The following RANBP2 variants were observed in gnomAD, a reference collection of about 807,000 sequenced individuals.
RANBP2 encodes the protein E3 SUMO-protein ligase RanBP2.
RANBP2 carries 57 observed loss-of-function variants against 303.6 expected under a neutral mutation model. The observed-to-expected ratio is 0.19, with a 90% CI of 0.15 to 0.23. The LOEUF (loss-of-function observed/expected upper bound fraction) is 0.23, where lower values mean the gene tolerates loss of function less well. Among genes scored for constraint, RANBP2 ranks in the 10% least tolerant of loss-of-function variants. The pLI, the probability that RANBP2 is intolerant of heterozygous loss-of-function variation, is 1.00. For missense variants in RANBP2, 3,138 were observed against 3,780.8 expected (o/e 0.83, Z 4.46); for synonymous variants, 1,167 against 1,301.5 (o/e 0.90, Z 2.23).
the RANBP2 span, among the ~76,000 whole-genome samples, chr2:109,688,759 A>T: frequency 7.8e-6 from 1 of 128,864 alleles, no homozygotes; most frequent in South Asian, 3.1e-4. Flanking sequence ...AGCCTGGGTG[A>T]CGGAGCGAGA....
At chr2:109,661,667 T>C in the RANBP2 span, among the ~76,000 whole-genome samples, 1 of 152,176 alleles carries the variant, frequency 6.6e-6, no homozygotes, top group Non-Finnish European at 1.5e-5. Context: ...TAGATAAGGG[T>C]GAGCCTAGAA....
chr2:109,129,888 A>C, the RANBP2 span: 2 of 1,517,044 alleles, frequency 1.3e-6, no homozygotes, highest in Non-Finnish European at 1.8e-6. Context: ...TGCTGGTGCG[A>C]CTGCTGGACG....
chr2:109,599,637 T>A, the RANBP2 span, among the ~76,000 whole-genome samples: 3 of 151,980 alleles, frequency 2.0e-5, no homozygotes, highest in African/African-American at 7.3e-5. Flanking sequence ...ACCATCAAAC[T>A]CCAACAAATA....
the RANBP2 span, chr2:109,347,939 C>A: frequency 1.2e-6 from 2 of 1,603,630 alleles, no homozygotes; most frequent in Non-Finnish European, 1.7e-6. Context: ...GACTGTCTGA[C>A]CTTCACCAAG....
chr2:108,977,549 C>T, the RANBP2 span, among the ~76,000 whole-genome samples: 120 of 152,248 alleles, frequency 7.9e-4, no homozygotes, highest in African/African-American at 2.8e-3. Context: ...GGATTACAGG[C>T]GTGAGCCACC....
the RANBP2 span, among the ~76,000 whole-genome samples, chr2:109,179,257 A>T: frequency 2.4e-4 from 37 of 152,236 alleles, no homozygotes; most frequent in Admixed American, 3.9e-4. Context: ...TTATCCTCTG[A>T]TTCTGGAGGT....
the RANBP2 span, among the ~76,000 whole-genome samples, chr2:108,962,392 G>A: frequency 2.0e-5 from 3 of 152,106 alleles, no homozygotes; most frequent in African/African-American, 4.8e-5. Context: ...GAACACAATC[G>A]GCCAGACGCG....
At chr2:108,740,104 A>G (rs963321226) in intron 6 of RANBP2, among the ~76,000 whole-genome samples, 4 of 152,376 alleles carry the variant, frequency 2.6e-5, no homozygotes, top group South Asian at 4.1e-4. Flanking sequence ...TGGAAATGGT[A>G]TGTCTAATTT....
At chr2:108,752,128 G>A in intron 12 of RANBP2, 134 bp downstream of exon 12, 1 of 1,524,410 alleles carries the variant, frequency 6.6e-7, no homozygotes, top group Non-Finnish European at 8.8e-7. Flanking sequence ...TTTTATTGCT[G>A]CAAAATAGTT....
chr2:109,293,354 G>T, the RANBP2 span, among the ~76,000 whole-genome samples: 1 of 152,212 alleles, frequency 6.6e-6, no homozygotes, highest in Non-Finnish European at 1.5e-5. Flanking sequence ...GTGTCATCAG[G>T]GGCCAGAAAA....
the RANBP2 span, among the ~76,000 whole-genome samples, chr2:109,675,202 G>A: frequency 6.6e-6 from 1 of 152,102 alleles, no homozygotes; most frequent in Non-Finnish European, 1.5e-5. Context: ...AAGGGCCCTG[G>A]GTGCTGTGTC....
the RANBP2 span, among the ~76,000 whole-genome samples, chr2:109,601,547 C>CAT: frequency 2.0e-5 from 3 of 152,270 alleles, no homozygotes; most frequent in South Asian, 2.1e-4. Flanking sequence ...ATCACCAATT[C>CAT]ATGTTTTCCC....
chr2:109,702,281 C>T, the RANBP2 span, among the ~76,000 whole-genome samples: 1,890 of 152,276 alleles, frequency 0.012, 46 homozygotes, highest in African/African-American at 0.043. Flanking sequence ...GTTAAAAAAC[C>T]CCAGTGGTAG....
At chr2:109,558,455 G>A in the RANBP2 span, among the ~76,000 whole-genome samples, 1 of 152,128 alleles carries the variant, frequency 6.6e-6, no homozygotes, top group Non-Finnish European at 1.5e-5. Flanking sequence ...AAAAGTTAAA[G>A]GTGATTAACT....
At chr2:108,749,366 C>T (rs1481618901) in intron 9 of RANBP2, among the ~76,000 whole-genome samples, 9 of 152,182 alleles carry the variant, frequency 5.9e-5, no homozygotes, top group Admixed American at 3.3e-4. Context: ...GGTGCGATCT[C>T]GGCTCACTGT....
At chr2:108,941,519 C>G in the RANBP2 span, among the ~76,000 whole-genome samples, 4 of 152,182 alleles carry the variant, frequency 2.6e-5, no homozygotes, top group Non-Finnish European at 4.4e-5. Flanking sequence ...TCCTGACCAG[C>G]TGGCAGCTGC....
At chr2:109,684,114 G>C in the RANBP2 span, among the ~76,000 whole-genome samples, 1 of 151,480 alleles carries the variant, frequency 6.6e-6, no homozygotes, top group African/African-American at 2.4e-5. Context: ...GCTAATTTTT[G>C]TATTTTTAGT....
At chr2:108,720,921 T>C (rs1404807990) in intron 1 of RANBP2, among the ~76,000 whole-genome samples, 10 of 152,234 alleles carry the variant, frequency 6.6e-5, no homozygotes, top group East Asian at 1.9e-4. Flanking sequence ...TGGTGGCGCA[T>C]GCCTGTAGTC....
the RANBP2 span, among the ~76,000 whole-genome samples, chr2:109,704,657 C>G: frequency 1.3e-5 from 2 of 151,988 alleles, no homozygotes; most frequent in Admixed American, 6.6e-5. Flanking sequence ...CGAGAACAGC[C>G]TGACTAACGT....
Sources: gnomAD v4.1 joint callset for allele counts (sites outside exome capture counted in the v4.1 genomes callset) on GRCh38, gnomAD v4.1.1 for gene constraint, MANE v1.5 for transcripts, NCBI Gene and HGNC (gene_info 2026-07-23, HGNC 2026-07-21) for gene names.